Variants in STK32A observed in about 807,000 individuals in gnomAD.
STK32A encodes the protein serine/threonine-protein kinase 32A.
A neutral mutation model predicts 53.2 loss-of-function variants in STK32A; 41 were observed. That is an observed-to-expected ratio of 0.77 (90% CI 0.60 to 1.00). The LOEUF (loss-of-function observed/expected upper bound fraction) is 1.00. Among genes scored for constraint, STK32A ranks in the 50% least tolerant of loss-of-function variants. STK32A has a pLI of 0.00. For synonymous variants in STK32A, 166 were observed against 162.8 expected (o/e 1.02, Z -0.15); for missense variants, 458 against 485.8 (o/e 0.94, Z 0.54).
At chr5:147,253,247 T>C (rs540625066) in intron 2 of STK32A, among the ~76,000 whole-genome samples, 48 of 152,280 alleles carry the variant, frequency 3.2e-4, no homozygotes, top group Non-Finnish European at 2.6e-4. Flanking sequence ...AATATTTCTT[T>C]TGGAGTATTT....
intron 4 of STK32A, among the ~76,000 whole-genome samples, chr5:147,310,042 AAAAC>A (rs1471356817): frequency 2.0e-5 from 3 of 152,224 alleles, no homozygotes; most frequent in Non-Finnish European, 4.4e-5. Flanking sequence ...ATATTTTAGT[AAAAC>A]AAAATCACCA....
intron 10 of STK32A, among the ~76,000 whole-genome samples, chr5:147,374,195 G>A (rs1380717431): frequency 2.0e-5 from 3 of 150,958 alleles, no homozygotes; most frequent in Non-Finnish European, 4.4e-5. Context: ...GGCTGAGGTA[G>A]AAAGATCACT....
At chr5:147,279,905 G>T (rs1252438061) in intron 4 of STK32A, among the ~76,000 whole-genome samples, 1 of 152,160 alleles carries the variant, frequency 6.6e-6, no homozygotes, top group Non-Finnish European at 1.5e-5. Context: ...GACTGCTCCT[G>T]CAGGACCCAG....
At chr5:147,374,742 G>C (rs2152005167) in intron 10 of STK32A, among the ~76,000 whole-genome samples, 1 of 152,250 alleles carries the variant, frequency 6.6e-6, no homozygotes, top group South Asian at 2.1e-4. Flanking sequence ...GGGAAGTCTG[G>C]TTGGAGAACT....
intron 5 of STK32A, among the ~76,000 whole-genome samples, chr5:147,325,452 C>G (rs923913259): frequency 6.6e-6 from 1 of 152,062 alleles, no homozygotes; most frequent in Non-Finnish European, 1.5e-5. Context: ...TGTACTCAGC[C>G]TATAATTTAT....
At chr5:147,346,271 TATA>T (rs1305726151) in intron 6 of STK32A, among the ~76,000 whole-genome samples, 1 of 152,176 alleles carries the variant, frequency 6.6e-6, no homozygotes, top group Non-Finnish European at 1.5e-5. Flanking sequence ...CATCTCCATT[TATA>T]ATATTTCATC....
downstream of STK32A, among the ~76,000 whole-genome samples, chr5:147,388,539 A>G (rs1250802037): frequency 1.3e-5 from 2 of 151,914 alleles, no homozygotes; most frequent in Non-Finnish European, 2.9e-5. Flanking sequence ...AGGATCTAGA[A>G]CTCTTCAGAT....
chr5:147,262,203 C>A (rs1754603128), intron 2 of STK32A, among the ~76,000 whole-genome samples: 2 of 152,226 alleles, frequency 1.3e-5, no homozygotes, highest in South Asian at 4.1e-4. Flanking sequence ...GAGGCAGAAT[C>A]CTCACCCCAC....
intron 5 of STK32A, among the ~76,000 whole-genome samples, chr5:147,328,530 T>C (rs1219372293): frequency 6.6e-6 from 1 of 152,212 alleles, no homozygotes; most frequent in Non-Finnish European, 1.5e-5. Context: ...TAGACAACTT[T>C]CTTATTAGTC....
chr5:147,373,581 T>TC (rs1268521817), intron 10 of STK32A, among the ~76,000 whole-genome samples: 1 of 152,022 alleles, frequency 6.6e-6, no homozygotes, highest in Non-Finnish European at 1.5e-5. Context: ...AAGTCCTAGT[T>TC]CCCCAAATAG....
intron 4 of STK32A, among the ~76,000 whole-genome samples, chr5:147,303,728 A>G (rs2151967249): frequency 6.6e-6 from 1 of 152,334 alleles, no homozygotes; most frequent in South Asian, 2.1e-4. Context: ...GAGCCACATG[A>G]TGTTATTGAG....
intron 6 of STK32A, among the ~76,000 whole-genome samples, chr5:147,346,494 A>G (rs1755699770): frequency 6.6e-6 from 1 of 152,238 alleles, no homozygotes; most frequent in South Asian, 2.1e-4. Flanking sequence ...GAAAAGATTG[A>G]CATTTAAAGG....
Position 147,236,558 on chromosome 5 carries a change from C to T in STK32A, c.-97+1359C>T, listed in dbSNP as rs116010654. 4.6e-3 allele frequency among the ~76,000 whole-genome samples: 694 copies of T among 152,172 alleles called. 10 individuals carry two copies. The highest frequency in any genetic ancestry group is 0.016 in the African/African-American group (664 of 41,520). ...AAAAAAAAAATCTAATTTGGTTATCCACATGGGAGAGAAAATGAAAAATAA... is the reference window on the plus strand; with the variant it reads ...AAAAAAAAAATCTAATTTGGTTATCTACATGGGAGAGAAAATGAAAAATAA... On this transcript the variant is annotated intron_variant, in intron 1 of 12. Transcript: ENST00000397936.
intron 4 of STK32A, among the ~76,000 whole-genome samples, chr5:147,314,096 T>C (rs912578278): frequency 6.6e-6 from 1 of 152,106 alleles, no homozygotes; most frequent in Non-Finnish European, 1.5e-5. Flanking sequence ...TTGAAAACTT[T>C]TATGCTTTTT....
At chr5:147,352,465 T>C (rs1237500287) in intron 7 of STK32A, among the ~76,000 whole-genome samples, 4 of 152,324 alleles carry the variant, frequency 2.6e-5, no homozygotes, top group South Asian at 4.1e-4. Context: ...GCCATCTATA[T>C]AGACACCAGA....
At chr5:147,300,981 G>A (rs937845038) in intron 4 of STK32A, among the ~76,000 whole-genome samples, 1 of 152,190 alleles carries the variant, frequency 6.6e-6, no homozygotes, top group Non-Finnish European at 1.5e-5. Context: ...CCCTCTGAAG[G>A]TTCACTGAGA....
At chr5:147,391,227 G>C (rs1757789920), downstream of STK32A, 3 of 152,638 alleles carry the variant, frequency 2.0e-5, no homozygotes, top group Admixed American at 6.5e-5. Context: ...GTGGAAACAT[G>C]ACACTCTCAG....
At chr5:147,325,532 C>T (rs114073659) in intron 5 of STK32A, among the ~76,000 whole-genome samples, 18 of 152,298 alleles carry the variant, frequency 1.2e-4, no homozygotes, top group African/African-American at 4.1e-4. Context: ...GCAGGTACCA[C>T]AGGCCAGTTC....
At chr5:147,296,452 G>A (rs1752870952) in intron 4 of STK32A, among the ~76,000 whole-genome samples, 1 of 151,968 alleles carries the variant, frequency 6.6e-6, no homozygotes, top group Non-Finnish European at 1.5e-5. Flanking sequence ...GCAGCAGCCT[G>A]CCGGCACTTG....
Sources: gnomAD v4.1 joint callset for allele counts (sites outside exome capture counted in the v4.1 genomes callset) on GRCh38, gnomAD v4.1.1 for gene constraint, MANE v1.5 for transcripts, NCBI Gene and HGNC (gene_info 2026-07-23, HGNC 2026-07-21) for gene names.